SLC17A6: variants seen among roughly 807,000 people sequenced by gnomAD.
SLC17A6 encodes the protein vesicular glutamate transporter 2.
In SLC17A6, 35 loss-of-function variants were observed where a neutral mutation model predicts 67.1. The ratio of observed to expected loss-of-function variants is 0.52; its 90% CI spans 0.40 to 0.69. The LOEUF (loss-of-function observed/expected upper bound fraction) is 0.69. Among genes scored for constraint, SLC17A6 ranks in the 30% least tolerant of loss-of-function variants. The probability of loss-of-function intolerance (pLI) is 0.00; values close to 1 mark genes in which losing one functional copy is unlikely to be tolerated. For missense variants in SLC17A6, 588 were observed against 723.9 expected, an observed-to-expected ratio of 0.81 and a Z score of 2.15; for synonymous variants, 285 against 252.3, an observed-to-expected ratio of 1.13 and a Z score of -1.23.
intron 1 of SLC17A6, among the ~76,000 whole-genome samples, chr11:22,339,061 T>TTATATA (rs59446847): frequency 1.9e-4 from 23 of 123,794 alleles, no homozygotes; most frequent in South Asian, 5.1e-4. Context: ...GAGTAATGGT[T>TTATATA]TATATATATA....
intron 8 of SLC17A6, among the ~76,000 whole-genome samples, chr11:22,371,763 T>C (rs1052059820): frequency 6.6e-6 from 1 of 152,164 alleles, no homozygotes; most frequent in East Asian, 1.9e-4. Context: ...TTTCATTCAT[T>C]AGTTATATTT....
intron 3 of SLC17A6, among the ~76,000 whole-genome samples, chr11:22,351,389 A>G (rs528260384): frequency 2.0e-5 from 3 of 152,136 alleles, no homozygotes; most frequent in African/African-American, 7.2e-5. Flanking sequence ...CCACCACCCC[A>G]AGCACTCTCA....
chr11:22,351,356 AAG>A (rs1041729471), intron 3 of SLC17A6, among the ~76,000 whole-genome samples: 1 of 152,072 alleles, frequency 6.6e-6, no homozygotes, highest in African/African-American at 2.4e-5. Flanking sequence ...AATTATATCT[AAG>A]AGATAATTTT....
At chr11:22,346,795 G>A (rs1025419299) in intron 3 of SLC17A6, among the ~76,000 whole-genome samples, 3 of 147,934 alleles carry the variant, frequency 2.0e-5, no homozygotes, top group Non-Finnish European at 3.0e-5. Context: ...GTGTTTAATG[G>A]CATAAATAGC....
chr11:22,343,145 CG>C, intron 2 of SLC17A6, 101 bp from the exon 3 acceptor site: 1 of 937,596 alleles, frequency 1.1e-6, no homozygotes, highest in Non-Finnish European at 1.7e-6. Context: ...ATGCATGAAG[CG>C]CCCAAGCCTT....
At chr11:22,339,144 TATATATAGTTATA>T (rs1564976454) in intron 1 of SLC17A6, among the ~76,000 whole-genome samples, 1,313 of 53,204 alleles carry the variant, frequency 0.025, 180 homozygotes, top group African/African-American at 0.086. Context: ...ATATATATGT[TATATATAGTTATA>T]TATATATGTT....
At chr11:22,365,410 C>A (rs1459466247) in intron 6 of SLC17A6, 137 bp from the exon 7 acceptor site, 16 of 1,004,334 alleles carry the variant, frequency 1.6e-5, no homozygotes, top group Non-Finnish European at 2.3e-5. Context: ...GAAAAGATGG[C>A]TAACGTCAGT....
At chr11:22,364,061 T>C (rs1856081430) in intron 6 of SLC17A6, among the ~76,000 whole-genome samples, 3 of 152,172 alleles carry the variant, frequency 2.0e-5, no homozygotes, top group African/African-American at 7.2e-5. Flanking sequence ...ATATTTATCA[T>C]TGAATGATAC....
At chr11:22,363,233 G>A (rs544202661) in intron 6 of SLC17A6, among the ~76,000 whole-genome samples, 3 of 146,812 alleles carry the variant, frequency 2.0e-5, no homozygotes, top group Non-Finnish European at 3.0e-5. Context: ...AAGCTGAAAG[G>A]GGGGGTGGAA....
At chr11:22,367,122 G>A (rs1326538228) in intron 7 of SLC17A6, among the ~76,000 whole-genome samples, 1 of 151,838 alleles carries the variant, frequency 6.6e-6, no homozygotes, top group East Asian at 1.9e-4. Context: ...GCTGAAAGGT[G>A]TCATACACTA....
chr11:22,361,092 T>G (rs1856047320), intron 5 of SLC17A6, 108 bp downstream of exon 5: 10 of 759,822 alleles, frequency 1.3e-5, no homozygotes, highest in South Asian at 7.9e-5. Flanking sequence ...GGGTTTTGTA[T>G]GAACATCTGT....
chr11:22,362,722 T>C lies in SLC17A6; in HGVS notation c.662-17T>C, dbSNP rs1341221310. ...CTGATTTCACTCACCTTTCTCCCAT[T>C]CTTCCTTACACTTTAGGTTCCTATG... On this transcript the variant is annotated splice_polypyrimidine_tract_variant and intron_variant, in intron 5 of 11. Transcript: ENST00000263160. 2 of 1,606,094 alleles carry C rather than the reference T, an allele frequency of 1.2e-6. No homozygotes were observed.
At position 22,360,926 on chromosome 11, in the gene SLC17A6, A is replaced by G; in HGVS notation, c.603A>G (p.Ile201Met). 1.2e-6 allele frequency: 2 copies of G among 1,614,038 alleles called. No individual in the cohort carries two copies. The highest frequency in any genetic ancestry group is 1.7e-6 in the Non-Finnish European group (2 of 1,179,904). The change falls in exon 5 of 12, where the codon ATA becomes ATG. Residue 201 changes from isoleucine (I) to methionine (M), a missense_variant. By Grantham distance (10) the Ile-to-Met change is conservative (BLOSUM62 1). Transcript: ENST00000263160. ...EGVTYPACHGIWSKWAPPLER... is the reference protein window; with the variant it reads ...EGVTYPACHGMWSKWAPPLER... ...TGACCTACCCAGCATGTCATGGGAT[A>G]TGGAGCAAATGGGCCCCACCTCTAG...
chr11:22,378,722 T>C lies in SLC17A6; in HGVS notation c.*982T>C, dbSNP rs1169741043. 2.0e-5 allele frequency: 3 copies of C among 152,294 alleles called. No homozygotes were observed. The highest frequency in any genetic ancestry group is 4.4e-5 in the Non-Finnish European group (3 of 67,950). The allele number at this position is 152,294 out of a possible 1,614,324, so 9.4% of individuals were successfully genotyped here. ...ATGAAACTTGTGCCACAGAGCTATA[T>C]ATAATATGAAAAGATTAACTTCATA... On this transcript the variant is annotated 3_prime_UTR_variant, in exon 12 of 12. Transcript: ENST00000263160.
chr11:22,369,931 T>C, intron 7 of SLC17A6, 108 bp from the exon 8 acceptor site: 1 of 993,274 alleles, frequency 1.0e-6, no homozygotes. Context: ...TCCTACTTCC[T>C]ACTTATGACC....
chr11:22,350,376 AG>A (rs561072414), intron 3 of SLC17A6, among the ~76,000 whole-genome samples: 132 of 152,330 alleles, frequency 8.7e-4, no homozygotes, highest in African/African-American at 3.0e-3. Flanking sequence ...TGTGACAAGT[AG>A]AAGAAAAGCA....
Position 22,343,152 on chromosome 11 carries a change from GC to G in SLC17A6, c.340-93del. On this transcript the variant is annotated intron_variant, in intron 2 of 11. Transcript: ENST00000263160. ...TCCCCAGAATGCATGAAGCGCCCAA[GC>G]CTTGGGGGCTTTTTGGCTTGTGAAC... 2.9e-6 allele frequency: 3 copies of G among 1,026,810 alleles called. No individual in the cohort carries two copies. In the East Asian group the frequency reaches 7.1e-5, roughly 24 times the overall value. 63.6% of individuals were successfully genotyped at this position (1,026,810 alleles called of 1,614,324 possible).
chr11:22,339,186 T>TAC (rs201023161), intron 1 of SLC17A6, among the ~76,000 whole-genome samples: 7,464 of 52,680 alleles, frequency 0.14, 1,063 homozygotes, highest in Non-Finnish European at 0.19. Flanking sequence ...ATGTTTTATA[T>TAC]ATATATATAT....
At chr11:22,339,674 T>A (rs1855790376) in intron 1 of SLC17A6, among the ~76,000 whole-genome samples, 1 of 152,154 alleles carries the variant, frequency 6.6e-6, no homozygotes, top group African/African-American at 2.4e-5. Context: ...GAAGTCTCTG[T>A]AAATGCATGA....
Sources: allele counts gnomAD v4.1 joint callset (sites outside exome capture counted in the v4.1 genomes callset), GRCh38; gene constraint gnomAD v4.1.1; transcripts MANE v1.5; gene names NCBI Gene and HGNC (gene_info 2026-07-23, HGNC 2026-07-21).